The following TAFA2 variants were observed in gnomAD, a reference collection of about 807,000 sequenced individuals.
TAFA2 encodes the protein TAFA chemokine like family member 2.
TAFA2 carries 7 observed loss-of-function variants against 18.8 expected under a neutral mutation model. That is an observed-to-expected ratio of 0.37 (90% confidence interval 0.21 to 0.70). The LOEUF is 0.70. TAFA2 is among the 30% of genes least tolerant of loss of function. The probability of loss-of-function intolerance (pLI) is 0.53; values close to 1 mark genes in which losing one functional copy is unlikely to be tolerated. For missense variants in TAFA2, 122 were observed against 158.1 expected, an observed-to-expected ratio of 0.77 and a Z score of 1.23; for synonymous variants, 60 against 54.2, an observed-to-expected ratio of 1.11 and a Z score of -0.47.
intron 1 of TAFA2, among the ~76,000 whole-genome samples, chr12:62,203,287 G>C (rs1168546977): frequency 6.6e-6 from 1 of 152,272 alleles, no homozygotes; most frequent in Non-Finnish European, 1.5e-5. Context: ...TAAGCGCCAT[G>C]TGGCGCCAAG....
intron 1 of TAFA2, among the ~76,000 whole-genome samples, chr12:61,972,382 A>G (rs1387153508): frequency 1.3e-5 from 2 of 151,548 alleles, no homozygotes; most frequent in African/African-American, 4.8e-5. Context: ...TGAGAAGGGA[A>G]GATCCCAAAT....
Position 61,888,979 on chromosome 12 carries a change from A to C in TAFA2, c.-1-21553T>G, listed in dbSNP as rs113398350. Among the ~76,000 whole-genome samples the C allele has an allele frequency of 3.1e-3, 465 of 152,284 alleles. 1 individual carries two copies. The highest frequency in any genetic ancestry group is 0.011 in the African/African-American group (441 of 41,566). On this transcript the variant is annotated intron_variant, in intron 1 of 4. Transcript: ENST00000416284. Reference sequence around the variant, plus strand: ...TCCATTGGAGGCTAAACTCCCCTGGAGTGGTTGGAGACTGTGTTTCCAGCA... The same window carrying C: ...TCCATTGGAGGCTAAACTCCCCTGGCGTGGTTGGAGACTGTGTTTCCAGCA...
chr12:62,257,527 A>G (rs1412668035), intron 1 of TAFA2, among the ~76,000 whole-genome samples: 3 of 152,180 alleles, frequency 2.0e-5, no homozygotes, highest in African/African-American at 7.2e-5. Flanking sequence ...GAATTACTAG[A>G]GGGTAAAGGA....
chr12:61,815,160 A>C (rs1872026968), intron 2 of TAFA2, among the ~76,000 whole-genome samples: 1 of 151,596 alleles, frequency 6.6e-6, no homozygotes, highest in Non-Finnish European at 1.5e-5. Context: ...AGAGGAGGAC[A>C]TATATCTACT....
upstream of TAFA2, among the ~76,000 whole-genome samples, chr12:62,197,142 G>A (rs967024473): frequency 6.6e-6 from 1 of 152,188 alleles, no homozygotes; most frequent in Non-Finnish European, 1.5e-5. Context: ...ATGATCTGAG[G>A]TGGGATGGTT....
intron 2 of TAFA2, among the ~76,000 whole-genome samples, chr12:61,797,358 A>AG (rs755899327): frequency 6.6e-6 from 1 of 152,152 alleles, no homozygotes; most frequent in Non-Finnish European, 1.5e-5. Flanking sequence ...GAGAAAAAAA[A>AG]TCCAGAAAAA....
chr12:62,084,086 C>T (rs1255226526), intron 1 of TAFA2, among the ~76,000 whole-genome samples: 1 of 152,094 alleles, frequency 6.6e-6, no homozygotes, highest in South Asian at 2.1e-4. Context: ...AAAAAGCCAA[C>T]CTTTCATCAA....
chr12:62,115,708 C>T (rs751933251), intron 1 of TAFA2, among the ~76,000 whole-genome samples: 19 of 152,168 alleles, frequency 1.2e-4, no homozygotes, highest in Non-Finnish European at 2.4e-4. Flanking sequence ...AGGGAGCTTA[C>T]TTAACTGCAC....
chr12:62,260,000 C>A (rs778027872), upstream of TAFA2: 14 of 202,400 alleles, frequency 6.9e-5, no homozygotes, highest in African/African-American at 1.2e-4. Flanking sequence ...ACACCACCGC[C>A]CCACCCTACC....
chr12:61,896,114 G>A (rs1352640583), intron 1 of TAFA2, among the ~76,000 whole-genome samples: 2 of 152,080 alleles, frequency 1.3e-5, no homozygotes, highest in Non-Finnish European at 2.9e-5. Flanking sequence ...AAGGGTGATG[G>A]GTCAGCAGGA....
At chr12:62,161,600 G>A (rs921070042) in intron 1 of TAFA2, among the ~76,000 whole-genome samples, 1 of 152,148 alleles carries the variant, frequency 6.6e-6, no homozygotes, top group African/African-American at 2.4e-5. Flanking sequence ...TGGGTGCAGT[G>A]TAGGTTATTC....
At chr12:62,253,668 G>C (rs1340251853) in intron 1 of TAFA2, 1 of 152,140 alleles carries the variant, frequency 6.6e-6, no homozygotes, top group Non-Finnish European at 1.5e-5. Flanking sequence ...GCCATAACCA[G>C]GAAAGTGTCT....
chr12:61,978,431 A>T (rs1378636646), intron 1 of TAFA2, among the ~76,000 whole-genome samples: 1 of 152,116 alleles, frequency 6.6e-6, no homozygotes, highest in Non-Finnish European at 1.5e-5. Context: ...AACAATTTTC[A>T]AAATGAAAAT....
chr12:61,884,991 C>T (rs1875310630), intron 1 of TAFA2, among the ~76,000 whole-genome samples: 2 of 152,158 alleles, frequency 1.3e-5, no homozygotes, highest in African/African-American at 4.8e-5. Context: ...GCTAAATAAA[C>T]TTCTTTGTTT....
chr12:62,134,979 G>C (rs1302781935), intron 1 of TAFA2, among the ~76,000 whole-genome samples: 1 of 151,826 alleles, frequency 6.6e-6, no homozygotes, highest in Non-Finnish European at 1.5e-5. Flanking sequence ...TCAGATCTTA[G>C]TTTAACATTG....
rs1051319072 is a variant in TAFA2, at chr12:61,924,851, T to C, written c.-1-57425A>G. ...CTGTATTCAGGAGACCCATCTCACA[T>C]GCAAAGACACACATAGGCTCAAAAT... On this transcript the variant is annotated intron_variant, in intron 1 of 4. Transcript: ENST00000416284. Among the ~76,000 whole-genome samples the C allele has an allele frequency of 2.0e-5, 3 of 152,164 alleles. No homozygotes were observed. In the East Asian group the frequency reaches 5.8e-4, roughly 29 times the overall value.
At chr12:62,153,629 C>A (rs1376228922) in intron 1 of TAFA2, among the ~76,000 whole-genome samples, 12 of 152,104 alleles carry the variant, frequency 7.9e-5, no homozygotes, top group Middle Eastern at 3.4e-3. Context: ...ATGATTGAAC[C>A]CCTGCACTCC....
chr12:61,863,041 C>G (rs1874192525), intron 2 of TAFA2, among the ~76,000 whole-genome samples: 1 of 152,168 alleles, frequency 6.6e-6, no homozygotes, highest in Non-Finnish European at 1.5e-5. Flanking sequence ...AGTAAACAAG[C>G]AACTTTTCCA....
chr12:62,236,500 C>T (rs1348974619), intron 1 of TAFA2, among the ~76,000 whole-genome samples: 2 of 152,088 alleles, frequency 1.3e-5, no homozygotes, highest in African/African-American at 2.4e-5. Flanking sequence ...CTCCTGACCT[C>T]GTGATCTACC....
Sources: allele counts gnomAD v4.1 joint callset (sites outside exome capture counted in the v4.1 genomes callset), GRCh38; gene constraint gnomAD v4.1.1; transcripts MANE v1.5; gene names NCBI Gene and HGNC (gene_info 2026-07-23, HGNC 2026-07-21).